The following CACTIN variants were observed in gnomAD, a reference collection of about 807,000 sequenced individuals.
CACTIN encodes the protein splicing factor Cactin.
A neutral mutation model predicts 84.9 loss-of-function variants in CACTIN; 20 were observed. That is an observed-to-expected ratio of 0.24 (90% confidence interval 0.17 to 0.34). The LOEUF (loss-of-function observed/expected upper bound fraction) is 0.34. Ranked by LOEUF, CACTIN falls within the 10% of genes least tolerant of loss-of-function variation. The pLI is 1.00. For synonymous variants in CACTIN, 549 were observed against 467.9 expected (o/e 1.17, Z -2.24); for missense variants, 897 against 1,117.2 (o/e 0.80, Z 2.81).
chr19:3,624,621 G>T (rs566727074), intron 1 of CACTIN, among the ~76,000 whole-genome samples: 8 of 152,080 alleles, frequency 5.3e-5, no homozygotes, highest in Non-Finnish European at 7.4e-5. Flanking sequence ...GACAGAGTGT[G>T]GGGGAGAGGG....
Position 3,611,778 on chromosome 19 carries a change from G to C in CACTIN, c.*145C>G, listed in dbSNP as rs1015874297. ...CCCTTTTATATAGGAGGAAACTGAG[G>C]CCTGGCGAAAGAAAGATGCGGCCTG... On this transcript the variant is annotated 3_prime_UTR_variant, in exon 10 of 10. Transcript: ENST00000429344. 6.7e-6 allele frequency: 7 copies of C among 1,043,270 alleles called. No individual in the cohort carries two copies. The highest frequency in any genetic ancestry group is 8.6e-6 in the Non-Finnish European group (6 of 697,638). The allele number at this position is 1,043,270 out of a possible 1,614,324, so 64.6% of individuals were successfully genotyped here.
rs1568297187 is a variant in CACTIN at position 3,624,032 on chromosome 19, C to T, written c.298G>A (p.Ala100Thr). 1 of 1,605,372 alleles carries T rather than the reference C, an allele frequency of 6.2e-7. No individual in the cohort carries two copies. ...GAGCGTGCGCGCCGTCGCCGGCGAG[C>T]CCACTGGCCCCGTGACTGCTCCTCT... ...SGEEQSRGQW[A>T]RRRRRARSWS... is the part of the protein sequence containing the mutation. The change falls in exon 2 of 10, where the codon GCT becomes ACT. Residue 100 changes from alanine (A) to threonine (T), a missense_variant. Ala to Thr is a moderately conservative substitution (Grantham distance 58). Transcript: ENST00000429344.
chr19:3,624,051 C>T lies in CACTIN; in HGVS notation c.279G>A (p.Glu93=), dbSNP rs1347090721. ...DGSSQSDSGE[E]QSRGQWARRR... is the part of the protein sequence containing the mutation. ...GGCGAGCCCACTGGCCCCGTGACTG[C>T]TCCTCTCCTGAGTCCGACTGAGAGG... The change falls in exon 2 of 10, where the codon GAG becomes GAA. Residue 93 remains glutamate (E), a synonymous_variant. Coordinates refer to ENST00000429344, the MANE Select transcript of CACTIN (RefSeq NM_001080543.2). 5 of 1,604,872 alleles carry T rather than the reference C, an allele frequency of 3.1e-6. No individual in the cohort carries two copies. The highest frequency in any genetic ancestry group is 4.2e-6 in the Non-Finnish European group (5 of 1,179,730).
chr19:3,620,734 C>T lies in CACTIN; in HGVS notation c.711G>A (p.Gln237=). The part of the protein sequence containing the change: ...KELKERNKRI[Q]EDNRLELQKV... ...TCTGCAGCTCCAGCCGGTTGTCCTC[C>T]TGGATCCTCTTGTTCCGCTCCTTCA... The change falls in exon 3 of 10, where the codon CAG becomes CAA. Residue 237 remains glutamine, a synonymous_variant. Transcript: ENST00000429344. 2 of 1,613,370 alleles carry T rather than the reference C, an allele frequency of 1.2e-6. No homozygotes were observed. Among genetic ancestry groups the T allele is most frequent in the South Asian group, 1.1e-5 (1 of 91,074 alleles).
At chr19:3,626,172 C>T (rs1393352238) in intron 1 of CACTIN, among the ~76,000 whole-genome samples, 2 of 152,134 alleles carry the variant, frequency 1.3e-5, no homozygotes, top group African/African-American at 4.8e-5. Flanking sequence ...GCCGCTCCTG[C>T]CTACCCCGCT....
At chr19:3,623,513 A>G (rs2033268355) in intron 2 of CACTIN, among the ~76,000 whole-genome samples, 175 bp downstream of exon 2, 1 of 152,234 alleles carries the variant, frequency 6.6e-6, no homozygotes. Context: ...TGGGCGACAG[A>G]GCGAGACCCT....
chr19:3,614,566 C>T lies in CACTIN; in HGVS notation c.1186G>A (p.Ala396Thr), dbSNP rs376665574. Residue 396 changes from alanine to threonine, a missense_variant, in exon 7 of 10, where the codon GCC (alanine) becomes ACC (threonine). Transcript: ENST00000429344. ...GPGERREGVN[A>T]SVSSDVQSVF... is the part of the protein sequence containing the mutation. ...GACTGCACATCAGAGCTGACGGAGG[C>T]GTTGACCCCCTCGCGGCGCTCACCT... 6.2e-6 allele frequency: 10 copies of T among 1,606,212 alleles called. No homozygotes were observed. The highest frequency in any genetic ancestry group is 4.0e-5 in the African/African-American group (3 of 74,804).
rs777898934 is a variant in CACTIN at position 3,612,091 on chromosome 19, CTTG to C, written c.2106_2108del (p.Asn702del). On this transcript the variant is annotated inframe_deletion, in exon 10 of 10. Transcript: ENST00000429344. ...CGTGGAAGCGCAGGATGGCGAAATC[CTTG>C]TTGTCGGCGCAGGCCTCCAGGAAGT... 21 of 1,613,864 alleles carry C rather than the reference CTTG, an allele frequency of 1.3e-5. No individual in the cohort carries two copies. The South Asian group carries it at 1.3e-4, about 10-fold the overall frequency.
In CACTIN at chr19:3,613,306, G is replaced by T; in HGVS notation, c.1538C>A (p.Ala513Glu). Residue 513 changes from alanine to glutamate, a missense_variant, in exon 9 of 10, where the codon GCG becomes GAG. Physicochemically the swap from Ala to Glu is moderately radical, Grantham distance 107 (BLOSUM62 -1). Transcript: ENST00000429344. ...PPGPSSEGGP[A>E]EAEVDGATPT... ...GGTCGCGCCGTCCACCTCGGCCTCC[G>T]CGGGGCCGCCCTCCGAGGAGGGCCC... is the stretch of plus-strand genomic sequence containing the variant. The T allele has an allele frequency of 6.3e-7, 1 of 1,587,368 alleles. No homozygotes were observed. Among genetic ancestry groups the T allele is most frequent in the Non-Finnish European group, 8.5e-7 (1 of 1,171,936 alleles).
chr19:3,620,875 AG>A, intron 2 of CACTIN, 73 bp from the exon 3 acceptor site: 1 of 1,204,630 alleles, frequency 8.3e-7, no homozygotes, highest in South Asian at 1.2e-5. Context: ...CCTTCGTCCA[AG>A]AGATTGACCA....
At chr19:3,625,463 C>G (rs948820733) in intron 1 of CACTIN, among the ~76,000 whole-genome samples, 2 of 152,178 alleles carry the variant, frequency 1.3e-5, no homozygotes, top group Admixed American at 1.3e-4. Flanking sequence ...GGCGCGGTGG[C>G]TCACGCCTGT....
chr19:3,618,327 G>T (rs1172698606), intron 6 of CACTIN, among the ~76,000 whole-genome samples: 2 of 152,150 alleles, frequency 1.3e-5, no homozygotes, highest in South Asian at 4.1e-4. Flanking sequence ...TGTCCAGGAC[G>T]GCCCCACCCT....
rs905089143 is a variant in CACTIN at position 3,611,493 on chromosome 19, G to A, written c.*430C>T. The A allele has an allele frequency of 1.6e-5, 6 of 372,944 alleles. No homozygotes were observed. Among genetic ancestry groups the A allele is most frequent in the Non-Finnish European group, 3.1e-5 (6 of 192,790 alleles). 23.1% of individuals were successfully genotyped at this position (372,944 alleles called of 1,614,324 possible). On this transcript the variant is annotated 3_prime_UTR_variant, in exon 10 of 10. Coordinates refer to ENST00000429344, the MANE Select transcript of CACTIN (RefSeq NM_001080543.2). The stretch of plus-strand genomic sequence containing the variant: ...TGAGTTTCCTGCTTCTCACGAGCCT[G>A]GCACCGCCAAGCCCAGGCCCCTCTG...
At chr19:3,626,112 C>T (rs893543756) in intron 1 of CACTIN, among the ~76,000 whole-genome samples, 1 of 152,162 alleles carries the variant, frequency 6.6e-6, no homozygotes, top group Non-Finnish European at 1.5e-5. Flanking sequence ...TCCCTCCCAT[C>T]GAGACTGCCA....
In CACTIN at chr19:3,626,487, C is replaced by T. The variant is rs757905196; in HGVS notation, c.167+109G>A. On this transcript the variant is annotated intron_variant, in intron 1 of 9. Transcript: ENST00000429344. ...CAATTGTCCCCTTCTCTAGGAAGCCCTCCCCGAGTAAGTCGGGGGTTTCCC... is the reference window on the plus strand; with the variant it reads ...CAATTGTCCCCTTCTCTAGGAAGCCTTCCCCGAGTAAGTCGGGGGTTTCCC... The T allele has an allele frequency of 3.7e-5, 42 of 1,150,422 alleles. No individual in the cohort carries two copies. The South Asian group carries it at 7.4e-4, about 20-fold the overall frequency. 71.3% of individuals were successfully genotyped at this position (1,150,422 alleles called of 1,614,324 possible).
rs528040656 is a variant in CACTIN, at chr19:3,610,874, T to C, written c.*1049A>G. On this transcript the variant is annotated 3_prime_UTR_variant, in exon 10 of 10. Coordinates refer to ENST00000429344, the MANE Select transcript of CACTIN (RefSeq NM_001080543.2). ...CGGGAGGCACTTTCCGTTTTGCTTC[T>C]GTTGGAGATGTTCCCGTCGGATGCT... The C allele has an allele frequency of 2.2e-6, 1 of 456,766 alleles. No homozygotes were observed. The highest frequency in any genetic ancestry group is 7.0e-5 in the East Asian group (1 of 14,382). 28.3% of individuals were successfully genotyped at this position (456,766 alleles called of 1,614,324 possible). A position where few individuals can be genotyped will look rare whatever the true frequency, so the allele number is the denominator to read the frequency against.
rs1179888017 is a variant in CACTIN, at chr19:3,610,669, A to T, written c.*1254T>A. The T allele has an allele frequency of 2.2e-6, 1 of 453,608 alleles. No individual in the cohort carries two copies. Among genetic ancestry groups the T allele is most frequent in the Admixed American group, 2.4e-5 (1 of 41,676 alleles). The allele number at this position is 453,608 out of a possible 1,614,324, so 28.1% of individuals were successfully genotyped here. On this transcript the variant is annotated 3_prime_UTR_variant, in exon 10 of 10. Transcript: ENST00000429344. Reference sequence around the variant, plus strand: ...ATTATTCTAAAATACAACGTTTATTAAAAAAACATGCGATCTTGCCAATAG... The same window carrying T: ...ATTATTCTAAAATACAACGTTTATTTAAAAAACATGCGATCTTGCCAATAG...
rs753011267 is a variant in CACTIN, at chr19:3,612,100, G to C, written c.2100C>G (p.Ala700=). The change falls in exon 10 of 10, where the codon GCC becomes GCG. Residue 700 remains alanine (A), a synonymous_variant. Transcript: ENST00000429344. The part of the protein sequence containing the change: ...STPEYFLEAC[A]DNKDFAILRF... ...GCAGGATGGCGAAATCCTTGTTGTCGGCGCAGGCCTCCAGGAAGTACTCGG... is the reference window on the plus strand; with the variant it reads ...GCAGGATGGCGAAATCCTTGTTGTCCGCGCAGGCCTCCAGGAAGTACTCGG... 1.2e-6 allele frequency: 2 copies of C among 1,613,708 alleles called. No individual in the cohort carries two copies. Among genetic ancestry groups the C allele is most frequent in the African/African-American group, 1.3e-5 (1 of 74,952 alleles).
Position 3,615,308 on chromosome 19 carries a change from C to A in CACTIN, c.1163-719G>T, listed in dbSNP as rs56295971. The A allele has an allele frequency of 0.061, 9,466 of 155,650 alleles. 404 individuals carry two copies. The highest frequency in any genetic ancestry group is 0.089 in the Non-Finnish European group (6,234 of 70,238). 9.6% of individuals were successfully genotyped at this position (155,650 alleles called of 1,614,324 possible). ...GGGGTGCTGGGAGGCTGGAGCCTAG[C>A]CTGACTCCGCGTGCTCTGCCCCACA... On this transcript the variant is annotated intron_variant, in intron 6 of 9. Coordinates refer to ENST00000429344, the MANE Select transcript of CACTIN (RefSeq NM_001080543.2). This position sits in a 1 kb window ranked among gnomAD's most constrained non-coding sequence, Gnocchi z 5.2.
Sources: allele counts gnomAD v4.1 joint callset (sites outside exome capture counted in the v4.1 genomes callset), GRCh38; gene constraint gnomAD v4.1.1; non-coding constraint Gnocchi (gnomAD v3.1); transcripts MANE v1.5; gene names NCBI Gene and HGNC (gene_info 2026-07-23, HGNC 2026-07-21).